The following PRPF6 variants were observed in gnomAD, a reference collection of about 807,000 sequenced individuals.
PRPF6 encodes pre-mRNA processing factor 6.
In PRPF6, 42 loss-of-function variants were observed where a neutral mutation model predicts 118.3. The ratio of observed to expected loss-of-function variants is 0.35; its 90% CI spans 0.28 to 0.46. The LOEUF (loss-of-function observed/expected upper bound fraction) is 0.46, where lower values mean the gene tolerates loss of function less well. Among genes scored for constraint, PRPF6 ranks in the 20% least tolerant of loss-of-function variants. The pLI, the probability that PRPF6 is intolerant of heterozygous loss-of-function variation, is 1.00. For missense variants in PRPF6, 662 were observed against 1,255.7 expected, an observed-to-expected ratio of 0.53 and a Z score of 7.15; for synonymous variants, 481 against 485.1, an observed-to-expected ratio of 0.99 and a Z score of 0.11.
At chr20:63,988,676 G>C (rs112219537) in intron 3 of PRPF6, among the ~76,000 whole-genome samples, 5 of 151,844 alleles carry the variant, frequency 3.3e-5, no homozygotes, top group Admixed American at 6.6e-5. Context: ...TCAGCAGTTC[G>C]AGACCAGCCT....
chr20:63,981,822 T>C (rs1055569215), intron 1 of PRPF6, among the ~76,000 whole-genome samples: 1 of 152,038 alleles, frequency 6.6e-6, no homozygotes, highest in Non-Finnish European at 1.5e-5. Context: ...TATTGGAATC[T>C]GTGGGGCACA....
chr20:64,029,558 C>G lies in PRPF6; in HGVS notation c.2546+67C>G, dbSNP rs2059305687. On this transcript the variant is annotated intron_variant, in intron 19 of 20. Transcript: ENST00000266079. This position sits in a 1 kb window ranked among gnomAD's most constrained non-coding sequence, Gnocchi z 4.8. ...AATGGGCTCTTTTTCCAGAGTCTGTCTGCCTCTTCCTGGTCATTGTAAAGA... is the reference window on the plus strand; with the variant it reads ...AATGGGCTCTTTTTCCAGAGTCTGTGTGCCTCTTCCTGGTCATTGTAAAGA... 7.6e-7 allele frequency: 1 copy of G among 1,321,842 alleles called. No individual in the cohort carries two copies. Among genetic ancestry groups the G allele is most frequent in the South Asian group, 1.2e-5 (1 of 84,860 alleles). The allele number at this position is 1,321,842 out of a possible 1,614,324, so 81.9% of individuals were successfully genotyped here.
Position 64,016,920 on chromosome 20 carries a change from A to G in PRPF6, c.1647+75A>G, listed in dbSNP as rs879047185. On this transcript the variant is annotated intron_variant, in intron 12 of 20. Transcript: ENST00000266079. ...GGGAACAGCAGGCACCTTATAAACT[A>G]CTAGGCTATTTTAAAACTCTTTTTT... 4.4e-6 allele frequency: 7 copies of G among 1,584,398 alleles called. No homozygotes were observed. In the South Asian group the frequency reaches 4.5e-5, roughly 10 times the overall value.
intron 6 of PRPF6, among the ~76,000 whole-genome samples, chr20:63,998,426 T>A (rs1262633690): frequency 6.6e-6 from 1 of 151,784 alleles, no homozygotes; most frequent in Non-Finnish European, 1.5e-5. Context: ...AGACAGAATC[T>A]TGGGAGGCTG....
intron 1 of PRPF6, 52 bp downstream of exon 1, chr20:63,981,368 G>T: frequency 6.6e-7 from 1 of 1,509,170 alleles, no homozygotes; most frequent in African/African-American, 1.4e-5. Flanking sequence ...CAGGAGCGCA[G>T]TGCTTTGGGG....
At chr20:63,989,167 T>G (rs1456313241) in intron 3 of PRPF6, among the ~76,000 whole-genome samples, 1 of 152,136 alleles carries the variant, frequency 6.6e-6, no homozygotes, top group Non-Finnish European at 1.5e-5. Flanking sequence ...TAAACGGTGC[T>G]GGGAAAACTG....
At chr20:64,006,396 A>G (rs1245970589) in intron 9 of PRPF6, among the ~76,000 whole-genome samples, 1 of 150,692 alleles carries the variant, frequency 6.6e-6, no homozygotes, top group Non-Finnish European at 1.5e-5. Context: ...GGCTCACTGC[A>G]ACCTCCGCCT....
intron 8 of PRPF6, among the ~76,000 whole-genome samples, chr20:64,000,025 C>T (rs2059159543): frequency 2.0e-5 from 3 of 151,502 alleles, no homozygotes; most frequent in Admixed American, 2.0e-4. Flanking sequence ...GATCTCGGCT[C>T]ACCGCAAGCT....
intron 9 of PRPF6, among the ~76,000 whole-genome samples, chr20:64,009,551 C>T (rs770087476): frequency 2.6e-5 from 4 of 152,020 alleles, no homozygotes; most frequent in Non-Finnish European, 2.9e-5. Flanking sequence ...GGTGAAACCC[C>T]GTCCCTACTA....
intron 9 of PRPF6, among the ~76,000 whole-genome samples, chr20:64,001,993 ATTTTTTGTTTTTTTTTTCTGGTTTT>A (rs2059168342): frequency 1.7e-5 from 1 of 60,218 alleles, no homozygotes; most frequent in Non-Finnish European, 3.8e-5. Context: ...CTTTTTTTTC[ATTTTTTGTTTTTTTTTTCTGGTTTT>A]TTTTTTTTTT....
chr20:63,988,689 C>A (rs929376633), intron 3 of PRPF6, among the ~76,000 whole-genome samples: 11 of 151,562 alleles, frequency 7.3e-5, no homozygotes, highest in Non-Finnish European at 1.6e-4. Context: ...ACCAGCCTGG[C>A]TAAACCCCAT....
chr20:63,987,194 G>C (rs1009191319), intron 3 of PRPF6, among the ~76,000 whole-genome samples: 5 of 149,886 alleles, frequency 3.3e-5, no homozygotes, highest in African/African-American at 1.2e-4. Flanking sequence ...AAAAAAGGGG[G>C]GGGGAGCATA....
chr20:64,032,249 C>G (rs554024540), intron 20 of PRPF6, among the ~76,000 whole-genome samples: 1 of 152,236 alleles, frequency 6.6e-6, no homozygotes, highest in African/African-American at 2.4e-5. Context: ...TGGTTATAGC[C>G]TCACAGCTCC....
intron 13 of PRPF6, among the ~76,000 whole-genome samples, chr20:64,023,557 G>A (rs561080692): frequency 1.6e-3 from 243 of 152,304 alleles, no homozygotes; most frequent in African/African-American, 5.5e-3. Context: ...AGAATGTTGA[G>A]CCATTGTCTC....
At chr20:64,018,942 A>G (rs556862304) in intron 12 of PRPF6, among the ~76,000 whole-genome samples, 2 of 152,268 alleles carry the variant, frequency 1.3e-5, no homozygotes, top group South Asian at 4.2e-4. Flanking sequence ...TGACCGTGTG[A>G]TACACACATG....
chr20:64,008,274 T>C (rs1169409618), intron 9 of PRPF6, among the ~76,000 whole-genome samples: 1 of 152,198 alleles, frequency 6.6e-6, no homozygotes, highest in Non-Finnish European at 1.5e-5. Flanking sequence ...TTGGGTTGTT[T>C]TTCCTTGAGA....
intron 9 of PRPF6, among the ~76,000 whole-genome samples, chr20:64,002,013 G>GTTTT (rs2059168567): frequency 3.1e-5 from 2 of 65,238 alleles, no homozygotes; most frequent in Non-Finnish European, 6.4e-5. Flanking sequence ...TTTTTTTTCT[G>GTTTT]GTTTTTTTTT....
Position 64,027,031 on chromosome 20 carries a change from C to T in PRPF6, c.2078C>T (p.Ala693Val), listed in dbSNP as rs201356673. ...GAGTGGGTGCAAGACAACATCAGGG[C>T]AGCCCAAGATCTGTGCGAGGAGGCC... Reference protein sequence around the residue: ...KLEWVQDNIRAAQDLCEEALR... With the variant: ...KLEWVQDNIRVAQDLCEEALR... The change falls in exon 16 of 21, where the codon GCA (alanine) becomes GTA (valine). Residue 693 changes from alanine (A) to valine (V), a missense_variant. Physicochemically the swap from Ala to Val is moderately conservative, Grantham distance 64. Around this residue, in one of 10 missense-constraint regions of PRPF6, gnomAD observed 244 missense variants for 383.7 expected, o/e 0.64. Transcript: ENST00000266079. This position sits in a 1 kb window ranked among gnomAD's most constrained non-coding sequence, Gnocchi z 6.5. The T allele has an allele frequency of 1.2e-6, 2 of 1,614,014 alleles. No individual in the cohort carries two copies. Among genetic ancestry groups the T allele is most frequent in the Non-Finnish European group, 1.7e-6 (2 of 1,180,018 alleles).
At chr20:64,016,566 G>A (rs548922990) in intron 11 of PRPF6, among the ~76,000 whole-genome samples, 157 bp from the exon 12 acceptor site, 2 of 152,170 alleles carry the variant, frequency 1.3e-5, no homozygotes, top group South Asian at 2.1e-4. Flanking sequence ...TCTGATTGGC[G>A]TGCAGTAGAC....
Sources: allele counts gnomAD v4.1 joint callset (sites outside exome capture counted in the v4.1 genomes callset), GRCh38; gene constraint gnomAD v4.1.1; regional missense constraint gnomAD v4.1.1; non-coding constraint Gnocchi (gnomAD v3.1); transcripts MANE v1.5; gene names NCBI Gene and HGNC (gene_info 2026-07-23, HGNC 2026-07-21).